Variants in TOP2B observed in about 807,000 individuals in gnomAD.
TOP2B encodes the protein DNA topoisomerase 2-beta.
A neutral mutation model predicts 193.5 loss-of-function variants in TOP2B; 51 were observed. The observed-to-expected ratio is 0.26, with a 90% CI of 0.21 to 0.33. The LOEUF (loss-of-function observed/expected upper bound fraction) is 0.33. TOP2B is among the 10% of genes least tolerant of loss of function. The pLI, the probability that TOP2B is intolerant of heterozygous loss-of-function variation, is 1.00. For synonymous variants in TOP2B, 634 were observed against 635.7 expected, an observed-to-expected ratio of 1.00 and a Z score of 0.04; for missense variants, 1,378 against 1,909.3, an observed-to-expected ratio of 0.72 and a Z score of 5.19.
chr3:25,638,973 T>C (rs542525547), intron 4 of TOP2B, among the ~76,000 whole-genome samples: 86 of 152,228 alleles, frequency 5.6e-4, no homozygotes, highest in South Asian at 3.1e-3. Flanking sequence ...CTGAAAAAAA[T>C]TGAAAATCTA....
intron 28 of TOP2B, among the ~76,000 whole-genome samples, chr3:25,610,570 G>C (rs1443399964): frequency 6.6e-6 from 1 of 152,196 alleles, no homozygotes; most frequent in Non-Finnish European, 1.5e-5. Flanking sequence ...GTTTTTAAAT[G>C]TAATAGTCTG....
intron 28 of TOP2B, among the ~76,000 whole-genome samples, chr3:25,612,097 A>AGG (rs975139891): frequency 6.6e-6 from 1 of 151,336 alleles, no homozygotes; most frequent in African/African-American, 2.4e-5. Flanking sequence ...GCCCACCACC[A>AGG]CGCCCAGCTA....
At position 25,625,467 on chromosome 3, in the gene TOP2B, C is replaced by T. The variant is rs565888543; in HGVS notation, c.2225-664G>A. On this transcript the variant is annotated intron_variant, in intron 18 of 35. Coordinates refer to ENST00000264331, the MANE Select transcript of TOP2B (RefSeq NM_001330700.2). ...TGCTCTAGGCCAAGCTTGTCCAACC[C>T]GTGGCCCGTGGGCTGCATGTGGCCC... is the stretch of plus-strand genomic sequence containing the variant. Among the ~76,000 whole-genome samples the T allele has an allele frequency of 3.9e-5, 6 of 152,284 alleles. No individual in the cohort carries two copies. In the South Asian group the frequency reaches 1.0e-3, roughly 26 times the overall value.
chr3:25,646,947 T>G (rs2125398948), intron 1 of TOP2B, among the ~76,000 whole-genome samples: 1 of 152,294 alleles, frequency 6.6e-6, no homozygotes, highest in African/African-American at 2.4e-5. Context: ...ATAACTCATT[T>G]TACTAGATTT....
In TOP2B at chr3:25,633,966, C is replaced by T. The variant is rs749046868; in HGVS notation, c.901G>A (p.Asp301Asn). 4 of 1,612,362 alleles carry T rather than the reference C, an allele frequency of 2.5e-6. No homozygotes were observed. Among genetic ancestry groups the T allele is most frequent in the Non-Finnish European group, 3.4e-6 (4 of 1,179,056 alleles). Reference protein sequence around the residue: ...YVDLYVKDKLDETGVALKVIH... With the variant: ...YVDLYVKDKLNETGVALKVIH... Reference sequence around the variant, plus strand: ...ACTTTCAGGGCCACCCCAGTTTCATCCAATTTGTCTTTCACATAAAGATCT... The same window carrying T: ...ACTTTCAGGGCCACCCCAGTTTCATTCAATTTGTCTTTCACATAAAGATCT... Residue 301 changes from aspartate (D) to asparagine (N), a missense_variant, in exon 8 of 36, where the codon GAT becomes AAT. Physicochemically the swap from Asp to Asn is conservative, Grantham distance 23. Around this residue, in one of 9 missense-constraint regions of TOP2B, gnomAD observed 222 missense variants for 306.6 expected, o/e 0.72. Coordinates refer to ENST00000264331, the MANE Select transcript of TOP2B (RefSeq NM_001330700.2).
chr3:25,635,975 A>G lies in TOP2B; in HGVS notation c.813T>C (p.Cys271=). ...TRRAYDLAGS[C]RGVKVMFNGK... The stretch of plus-strand genomic sequence containing the variant: ...CATTAAACATGACCTTGACCCCTCT[A>G]CACGAACCAGCCAAATCATATGCCC... Residue 271 remains cysteine (C), a synonymous_variant, in exon 7 of 36, where the codon TGT becomes TGC. Transcript: ENST00000264331. 2.5e-6 allele frequency: 4 copies of G among 1,613,350 alleles called. No individual in the cohort carries two copies. Among genetic ancestry groups the G allele is most frequent in the African/African-American group, 1.3e-5 (1 of 75,006 alleles).
chr3:25,658,921 T>A (rs997803842), intron 1 of TOP2B, among the ~76,000 whole-genome samples: 1 of 152,182 alleles, frequency 6.6e-6, no homozygotes, highest in Non-Finnish European at 1.5e-5. Context: ...ACCCAGTTTG[T>A]TTTTCTGAGG....
Position 25,612,618 on chromosome 3 carries a change from A to T in TOP2B, c.3683T>A (p.Leu1228His), listed in dbSNP as rs969883654. ...TGAGGGCATTGTCTCTTCCAACTGG[A>T]GTTTCTTCACCTTAGGTTTGCCAAC... ...GKVGKPKVKK[L>H]QLEETMPSPY... Residue 1228 changes from leucine (L) to histidine (H), a missense_variant, in exon 28 of 36, where the codon CTC (leucine) becomes CAC (histidine). By Grantham distance (99) the Leu-to-His change is moderately conservative (BLOSUM62 -3). Around this residue, in one of 9 missense-constraint regions of TOP2B, gnomAD observed 556 missense variants for 584.2 expected, o/e 0.95. Coordinates refer to ENST00000264331, the MANE Select transcript of TOP2B (RefSeq NM_001330700.2). 1 of 1,613,710 alleles carries T rather than the reference A, an allele frequency of 6.2e-7. No homozygotes were observed. The highest frequency in any genetic ancestry group is 2.2e-5 in the East Asian group (1 of 44,840).
At chr3:25,630,713 T>G in intron 11 of TOP2B, 88 bp downstream of exon 11, 3 of 1,224,336 alleles carry the variant, frequency 2.5e-6, no homozygotes, top group South Asian at 3.8e-5. Flanking sequence ...AAAATCATAG[T>G]CTAACTATAT....
At chr3:25,623,905 A>G (rs1702728280) in intron 20 of TOP2B, among the ~76,000 whole-genome samples, 159 bp from the exon 21 acceptor site, 1 of 152,216 alleles carries the variant, frequency 6.6e-6, no homozygotes, top group Admixed American at 6.5e-5. Flanking sequence ...AATTTGCCTA[A>G]CTGTATTATT....
At chr3:25,603,711 T>C (rs533734557) in intron 33 of TOP2B, among the ~76,000 whole-genome samples, 15 of 152,162 alleles carry the variant, frequency 9.9e-5, no homozygotes, top group Non-Finnish European at 1.5e-4. Flanking sequence ...CAGCCAGTAA[T>C]AGGTAAGTTA....
At chr3:25,650,921 T>C (rs966389044) in intron 1 of TOP2B, among the ~76,000 whole-genome samples, 3 of 152,244 alleles carry the variant, frequency 2.0e-5, no homozygotes, top group Admixed American at 6.5e-5. Flanking sequence ...CTTGCTTCAA[T>C]TTTAGCATAA....
chr3:25,618,315 A>G, intron 25 of TOP2B, 103 bp downstream of exon 25: 1 of 752,980 alleles, frequency 1.3e-6, no homozygotes, highest in Middle Eastern at 2.5e-4. Context: ...ACAACTCAGC[A>G]CCTTTAGTAG....
intron 26 of TOP2B, 39 bp from the exon 27 acceptor site, chr3:25,615,327 T>C (rs776955409): frequency 3.2e-6 from 5 of 1,582,530 alleles, no homozygotes; most frequent in Non-Finnish European, 4.3e-6. Flanking sequence ...TCAATAGTTT[T>C]AAAACATATG....
intron 10 of TOP2B, 26 bp from the exon 11 acceptor site, chr3:25,630,965 C>T (rs377220604): frequency 2.4e-5 from 37 of 1,547,418 alleles, no homozygotes; most frequent in Non-Finnish European, 3.0e-5. Flanking sequence ...TAATGGTATA[C>T]AAACAAGCTG....
chr3:25,607,625 G>A (rs186583055), intron 30 of TOP2B, among the ~76,000 whole-genome samples: 1 of 152,248 alleles, frequency 6.6e-6, no homozygotes, highest in Non-Finnish European at 1.5e-5. Context: ...ATAAACTAAT[G>A]TACTTATTGA....
intron 1 of TOP2B, among the ~76,000 whole-genome samples, chr3:25,661,072 C>T (rs1054534649): frequency 6.7e-6 from 1 of 149,042 alleles, no homozygotes; most frequent in African/African-American, 2.5e-5. Context: ...GTGATCTCGG[C>T]TCACCGCAAC....
intron 27 of TOP2B, among the ~76,000 whole-genome samples, chr3:25,613,301 A>C (rs1335086785): frequency 6.6e-6 from 1 of 152,236 alleles, no homozygotes; most frequent in Admixed American, 6.5e-5. Context: ...GAAAGGCACA[A>C]GGAAAAAATG....
chr3:25,658,056 G>C (rs1340704078), intron 1 of TOP2B, among the ~76,000 whole-genome samples: 6 of 63,076 alleles, frequency 9.5e-5, no homozygotes, highest in Non-Finnish European at 1.7e-4. Flanking sequence ...GCGAGACTCC[G>C]TCTCAAAAAA....
Sources: allele counts gnomAD v4.1 joint callset (sites outside exome capture counted in the v4.1 genomes callset), GRCh38; gene constraint gnomAD v4.1.1; regional missense constraint gnomAD v4.1.1; transcripts MANE v1.5; gene names NCBI Gene and HGNC (gene_info 2026-07-23, HGNC 2026-07-21).